PIWIL4: variants seen among roughly 807,000 people sequenced by gnomAD.
PIWIL4 encodes piwi like RNA-mediated gene silencing 4, also known as piwi-like protein 4.
Under a neutral mutation model 100.9 loss-of-function variants are expected in PIWIL4, and 50 were observed. The observed-to-expected ratio is 0.50, with a 90% CI of 0.39 to 0.63. PIWIL4 has a LOEUF of 0.63. Among genes scored for constraint, PIWIL4 ranks in the 20% least tolerant of loss-of-function variants. PIWIL4 has a pLI of 0.00. For synonymous variants in PIWIL4, 342 were observed against 367.5 expected (o/e 0.93, Z 0.79); for missense variants, 887 against 1,043.3 (o/e 0.85, Z 2.06).
chr11:94,613,858 G>A (rs1948813185), intron 15 of PIWIL4, among the ~76,000 whole-genome samples: 2 of 152,096 alleles, frequency 1.3e-5, no homozygotes, highest in South Asian at 4.1e-4. Context: ...CGCCTCCTGG[G>A]TTCAAGTGAT....
Position 94,568,800 on chromosome 11 carries a change from C to A in PIWIL4, c.158C>A (p.Ser53Ter). Reference protein sequence around the residue: ...SNGFLGTSRISTNDKYGISSG... With the variant: ...SNGFLGTSRI ...GGCTTCTTGGGAACAAGCAGGATCT[C>A]AACCAACGGTAAGTGCAGCTCAGCC... is the stretch of plus-strand genomic sequence containing the variant. Residue 53 changes from serine to a stop codon, truncating the protein, a stop_gained, in exon 2 of 20, where the codon TCA becomes TAA. Transcript: ENST00000299001. LOFTEE classifies it high-confidence loss of function. 1 of 1,598,760 alleles carries A rather than the reference C, an allele frequency of 6.3e-7. No individual in the cohort carries two copies. Among genetic ancestry groups the A allele is most frequent in the Non-Finnish European group, 8.6e-7 (1 of 1,166,014 alleles).
At chr11:94,614,756 C>A (rs1182065498) in intron 15 of PIWIL4, among the ~76,000 whole-genome samples, 2 of 152,172 alleles carry the variant, frequency 1.3e-5, no homozygotes, top group African/African-American at 4.8e-5. Context: ...GGCTCTCTTA[C>A]ACGTTTTCTA....
In PIWIL4 at chr11:94,619,825, G is replaced by T; in HGVS notation, c.2234G>T (p.Arg745Leu). The T allele has an allele frequency of 6.2e-7, 1 of 1,614,158 alleles. No individual in the cohort carries two copies. The highest frequency in any genetic ancestry group is 8.5e-7 in the Non-Finnish European group (1 of 1,179,994). Residue 745 changes from arginine (R) to leucine (L), a missense_variant, in exon 18 of 20, where the codon CGC (arginine) becomes CTC (leucine). By Grantham distance (102) the Arg-to-Leu change is moderately radical (BLOSUM62 -2). Transcript: ENST00000299001. ...CCACGATTCTTTACCGAAATGAACC[G>T]CACTGTACAGAACCCCCCACTTGGC... ...CMPRFFTEMN[R>L]TVQNPPLGTV...
rs140277254 is a variant in PIWIL4 at position 94,612,865 on chromosome 11, T to G, written c.1944-3628T>G. Among the ~76,000 whole-genome samples, 99 of 152,322 alleles carry G rather than the reference T, an allele frequency of 6.5e-4. No homozygotes were observed. The East Asian group carries it at 0.019, about 29-fold the overall frequency. ...TTTAGATGTCATGATTTGCATCTTC[T>G]TATATTGTGTATATATGCATTAATT... On this transcript the variant is annotated intron_variant, in intron 15 of 19. Transcript: ENST00000299001.
chr11:94,608,915 A>G (rs530005105), intron 15 of PIWIL4, among the ~76,000 whole-genome samples: 58 of 152,368 alleles, frequency 3.8e-4, no homozygotes, highest in African/African-American at 1.4e-3. Context: ...GCTATTGCTC[A>G]TCTTCCCCAA....
intron 15 of PIWIL4, among the ~76,000 whole-genome samples, chr11:94,615,565 C>G (rs1196452024): frequency 2.6e-5 from 4 of 152,124 alleles, no homozygotes; most frequent in African/African-American, 9.7e-5. Context: ...CTCAGGACTT[C>G]TAGTTTGTTG....
chr11:94,580,331 A>G (rs1012352080), intron 4 of PIWIL4, among the ~76,000 whole-genome samples: 11 of 152,182 alleles, frequency 7.2e-5, no homozygotes, highest in Admixed American at 6.5e-4. Flanking sequence ...TTAATTCTGC[A>G]TCCTCATCAT....
chr11:94,582,386 T>C (rs1490690233), intron 4 of PIWIL4, among the ~76,000 whole-genome samples: 1 of 150,448 alleles, frequency 6.6e-6, no homozygotes, highest in East Asian at 1.9e-4. Flanking sequence ...ATTATCTCGA[T>C]GAAATCTTAC....
chr11:94,606,661 C>T lies in PIWIL4; in HGVS notation c.1639-778C>T, dbSNP rs962067911. 8.5e-5 allele frequency among the ~76,000 whole-genome samples: 13 copies of T among 152,164 alleles called. No homozygotes were observed. The South Asian group carries it at 1.9e-3, about 22-fold the overall frequency. On this transcript the variant is annotated intron_variant, in intron 13 of 19. Transcript: ENST00000299001. ...CAGCCTGGCCAACATAGTGAAACCCCGTCTCTACTAAAATTAGAAAAAATT... is the reference window on the plus strand; with the variant it reads ...CAGCCTGGCCAACATAGTGAAACCCTGTCTCTACTAAAATTAGAAAAAATT...
rs1041027716 is a variant in PIWIL4, at chr11:94,567,794, G to C, written c.87+189G>C. On this transcript the variant is annotated intron_variant, in intron 1 of 19. Transcript: ENST00000299001. ...CCTTCTAGGGATCTTGTCTGAGTAA[G>C]ATATTAACGTAGGTATATTAGCCAG... The C allele has an allele frequency of 2.4e-6, 3 of 1,228,090 alleles. No individual in the cohort carries two copies. The Admixed American group carries it at 1.2e-4, about 49-fold the overall frequency. The allele number at this position is 1,228,090 out of a possible 1,614,324, so 76.1% of individuals were successfully genotyped here. A position where few individuals can be genotyped will look rare whatever the true frequency, so the allele number is the denominator to read the frequency against.
intron 9 of PIWIL4, among the ~76,000 whole-genome samples, chr11:94,594,268 A>G (rs1264356019): frequency 2.0e-5 from 3 of 151,964 alleles, no homozygotes; most frequent in Admixed American, 6.5e-5. Context: ...GGAGTTCGAG[A>G]CCAGCCTGGC....
At position 94,585,515 on chromosome 11, in the gene PIWIL4, C is replaced by T. The variant is rs1327777749; in HGVS notation, c.706C>T (p.Pro236Ser). ...TAATCCTTCAGAGCCAATGGAAATT[C>T]CCCAGCACAAGTAGGTTTATTTATA... is the stretch of plus-strand genomic sequence containing the variant. ...FYNPSEPMEIPQHKLSLWPGF... is the reference protein window; with the variant it reads ...FYNPSEPMEISQHKLSLWPGF... Residue 236 changes from proline (P) to serine (S), a missense_variant, in exon 6 of 20, where the codon CCC becomes TCC. Transcript: ENST00000299001. 36 of 1,605,520 alleles carry T rather than the reference C, an allele frequency of 2.2e-5. No homozygotes were observed. Among genetic ancestry groups the T allele is most frequent in the Non-Finnish European group, 2.8e-5 (33 of 1,175,688 alleles).
At chr11:94,618,418 C>G (rs1255823807) in intron 17 of PIWIL4, among the ~76,000 whole-genome samples, 1 of 152,166 alleles carries the variant, frequency 6.6e-6, no homozygotes, top group Non-Finnish European at 1.5e-5. Flanking sequence ...AGTGAAAATA[C>G]TTCATACATA....
At chr11:94,580,272 A>G (rs1591779829) in intron 4 of PIWIL4, among the ~76,000 whole-genome samples, 2 of 152,342 alleles carry the variant, frequency 1.3e-5, no homozygotes, top group Admixed American at 6.5e-5. Context: ...AAAGTGTCCT[A>G]ATGAAGATAC....
chr11:94,577,550 TACACAC>T, intron 4 of PIWIL4, 58 bp downstream of exon 4: 12 of 1,324,696 alleles, frequency 9.1e-6, no homozygotes, highest in South Asian at 1.4e-5. Context: ...TATATGTGTA[TACACAC>T]ACACATATAT....
intron 13 of PIWIL4, 126 bp downstream of exon 13, chr11:94,604,182 G>T: frequency 2.0e-6 from 1 of 490,672 alleles, no homozygotes; most frequent in South Asian, 3.6e-5. Context: ...AAGCACCGAA[G>T]AAAATATTAA....
chr11:94,592,981 A>T (rs1591790686), intron 8 of PIWIL4, among the ~76,000 whole-genome samples: 1 of 152,216 alleles, frequency 6.6e-6, no homozygotes, highest in Admixed American at 6.5e-5. Flanking sequence ...AGAGCTGGGG[A>T]TCAGATTCAC....
At chr11:94,596,250 CT>C (rs912905757) in intron 10 of PIWIL4, among the ~76,000 whole-genome samples, 266 of 138,700 alleles carry the variant, frequency 1.9e-3, no homozygotes, top group South Asian at 5.5e-3. Context: ...GATCAACAGT[CT>C]TTTTTTTTTT....
chr11:94,586,363 A>G (rs12795268), intron 6 of PIWIL4, among the ~76,000 whole-genome samples: 16 of 152,076 alleles, frequency 1.1e-4, no homozygotes, highest in Middle Eastern at 6.8e-3. Context: ...TATAAACTGG[A>G]ATTATTTTTT....
Sources: gnomAD v4.1 joint callset for allele counts (sites outside exome capture counted in the v4.1 genomes callset) on GRCh38, gnomAD v4.1.1 for gene constraint, MANE v1.5 for transcripts, NCBI Gene and HGNC (gene_info 2026-07-23, HGNC 2026-07-21) for gene names.